Variants in ITGB5 observed in about 807,000 individuals in gnomAD.
ITGB5 encodes the protein integrin beta-5.
Under a neutral mutation model 84.8 loss-of-function variants are expected in ITGB5, and 38 were observed. The observed-to-expected ratio is 0.45, with a 90% CI of 0.35 to 0.59. The LOEUF (loss-of-function observed/expected upper bound fraction) is 0.59, where lower values mean the gene tolerates loss of function less well. Among genes scored for constraint, ITGB5 ranks in the 20% least tolerant of loss-of-function variants. The pLI, the probability that ITGB5 is intolerant of heterozygous loss-of-function variation, is 0.01. For missense variants in ITGB5, 905 were observed against 1,034.5 expected, an observed-to-expected ratio of 0.87 and a Z score of 1.72; for synonymous variants, 393 against 414.4, an observed-to-expected ratio of 0.95 and a Z score of 0.63.
intron 1 of ITGB5, among the ~76,000 whole-genome samples, chr3:124,893,927 C>T (rs1446561311): frequency 6.6e-6 from 1 of 151,988 alleles, no homozygotes; most frequent in African/African-American, 2.4e-5. Flanking sequence ...ATTTCTCTGA[C>T]GCTGTTAAGA....
chr3:124,773,684 C>G lies in ITGB5; in HGVS notation c.1916+6G>C, dbSNP rs773985327. The G allele has an allele frequency of 8.1e-6, 13 of 1,611,558 alleles. 1 individual carries two copies. The Admixed American group carries it at 1.8e-4, about 23-fold the overall frequency. ...AGTAAGGTGGGGCTGTCAGTGGAAC[C>G]AGTACCTCTTGGTGCTGCATGCATC... On this transcript the variant is annotated splice_donor_region_variant and intron_variant, in intron 11 of 14. Transcript: ENST00000296181.
intron 5 of ITGB5, among the ~76,000 whole-genome samples, chr3:124,825,240 T>C (rs2064769361): frequency 6.6e-6 from 1 of 151,168 alleles, no homozygotes; most frequent in South Asian, 2.1e-4. Context: ...ACTCTCATAA[T>C]TGCCTAAGAG....
chr3:124,859,194 G>C, intron 3 of ITGB5, 48 bp downstream of exon 3: 1 of 1,565,424 alleles, frequency 6.4e-7, no homozygotes, highest in East Asian at 2.2e-5. Flanking sequence ...CCTCCCCCAT[G>C]GGCCTTCCTG....
intron 4 of ITGB5, among the ~76,000 whole-genome samples, chr3:124,846,956 C>T (rs1001216327): frequency 6.6e-6 from 1 of 152,092 alleles, no homozygotes; most frequent in African/African-American, 2.4e-5. Flanking sequence ...CAAATGCAGA[C>T]TCTAAAAGTA....
intron 1 of ITGB5, among the ~76,000 whole-genome samples, chr3:124,893,234 C>A (rs1935037368): frequency 6.6e-6 from 1 of 152,030 alleles, no homozygotes. Flanking sequence ...ATGGTGAAAA[C>A]CCATCTCTAC....
At chr3:124,817,549 G>A (rs1234958782) in intron 8 of ITGB5, 72 bp downstream of exon 8, 7 of 781,148 alleles carry the variant, frequency 9.0e-6, no homozygotes, top group Admixed American at 2.6e-5. Flanking sequence ...ACCTGAGCCC[G>A]CGGCAGCTGC....
intron 2 of ITGB5, among the ~76,000 whole-genome samples, chr3:124,870,022 C>T (rs1579321427): frequency 1.3e-5 from 2 of 152,312 alleles, no homozygotes; most frequent in South Asian, 4.1e-4. Context: ...ATTTTACACT[C>T]CCAGTCATGC....
At chr3:124,861,466 A>C (rs943388899) in intron 2 of ITGB5, among the ~76,000 whole-genome samples, 3 of 147,216 alleles carry the variant, frequency 2.0e-5, no homozygotes, top group Non-Finnish European at 4.5e-5. Flanking sequence ...ACTTTGTTAA[A>C]AAAACAAAAC....
chr3:124,846,151 G>A (rs975706532), intron 4 of ITGB5, among the ~76,000 whole-genome samples: 6 of 152,170 alleles, frequency 3.9e-5, no homozygotes, highest in African/African-American at 1.4e-4. Context: ...TATACAGAAG[G>A]ATCTGGAGGG....
At chr3:124,771,760 A>AAAAAAAAAAAAAG in intron 11 of ITGB5, among the ~76,000 whole-genome samples, 1 of 151,842 alleles carries the variant, frequency 6.6e-6, no homozygotes, top group African/African-American at 2.4e-5. Context: ...AAAAAAAAAA[A>AAAAAAAAAAAAAG]AAAAAAAGGA....
intron 12 of ITGB5, among the ~76,000 whole-genome samples, chr3:124,767,145 A>G (rs1409693421): frequency 6.6e-6 from 1 of 152,212 alleles, no homozygotes; most frequent in Non-Finnish European, 1.5e-5. Flanking sequence ...GTGCAAAGTG[A>G]GGCAAGGGGT....
chr3:124,882,646 C>A lies in ITGB5; in HGVS notation c.70+4285G>T, dbSNP rs542627070. Among the ~76,000 whole-genome samples the A allele has an allele frequency of 1.6e-4, 24 of 152,240 alleles. No individual in the cohort carries two copies. In the East Asian group the frequency reaches 2.1e-3, roughly 13 times the overall value. On this transcript the variant is annotated intron_variant, in intron 1 of 14. Transcript: ENST00000296181. Reference sequence around the variant, plus strand: ...CCTGGCAGGACTCTGGGAAACCATTCGAAGGTTTTAAGCAGAGAGATATGA... The same window carrying A: ...CCTGGCAGGACTCTGGGAAACCATTAGAAGGTTTTAAGCAGAGAGATATGA...
At chr3:124,838,056 C>A (rs1054436490) in intron 5 of ITGB5, among the ~76,000 whole-genome samples, 8 of 152,130 alleles carry the variant, frequency 5.3e-5, no homozygotes, top group Middle Eastern at 3.2e-3. Context: ...TTAGGACTTA[C>A]AAATGATAGC....
intron 4 of ITGB5, among the ~76,000 whole-genome samples, chr3:124,843,475 C>T (rs3772846): frequency 0.04 from 6,162 of 152,280 alleles, 303 homozygotes; most frequent in East Asian, 0.11. Flanking sequence ...GTTTTACCTC[C>T]TCCCTTTCAC....
rs981503985 is a variant in ITGB5 at position 124,762,596 on chromosome 3, CTGCTAT to C, written c.*1021_*1026del. ...AGTGAGGGGAGGCCTTGGAAGGGAACTGCTATTGCTAATGATGATTAAGAGATGACT... is the reference window on the plus strand; with the variant it reads ...AGTGAGGGGAGGCCTTGGAAGGGAACTGCTAATGATGATTAAGAGATGACT... On this transcript the variant is annotated 3_prime_UTR_variant, in exon 15 of 15. Coordinates refer to ENST00000296181, the MANE Select transcript of ITGB5 (RefSeq NM_002213.5). 3.4e-4 allele frequency: 52 copies of C among 152,344 alleles called. No individual in the cohort carries two copies. Among genetic ancestry groups the C allele is most frequent in the African/African-American group, 1.2e-3 (49 of 41,568 alleles). The allele number at this position is 152,344 out of a possible 1,614,324, so 9.4% of individuals were successfully genotyped here.
At chr3:124,822,565 A>G (rs1440456954) in intron 5 of ITGB5, among the ~76,000 whole-genome samples, 1 of 152,234 alleles carries the variant, frequency 6.6e-6, no homozygotes, top group Non-Finnish European at 1.5e-5. Context: ...GGCGGCATGG[A>G]AATAAAAAAT....
chr3:124,768,088 C>T (rs751484248), intron 12 of ITGB5, among the ~76,000 whole-genome samples: 10 of 152,026 alleles, frequency 6.6e-5, no homozygotes, highest in Non-Finnish European at 1.3e-4. Context: ...CCTCAGAAGC[C>T]GTGACTGTAG....
chr3:124,797,012 T>G (rs973785377), intron 9 of ITGB5, among the ~76,000 whole-genome samples, 195 bp from the exon 10 acceptor site: 1 of 152,190 alleles, frequency 6.6e-6, no homozygotes, highest in Admixed American at 6.5e-5. Flanking sequence ...GAGAAGAGAA[T>G]GCACAGGTGA....
intron 4 of ITGB5, among the ~76,000 whole-genome samples, chr3:124,842,331 A>G (rs1654318791): frequency 6.6e-6 from 1 of 152,082 alleles, no homozygotes; most frequent in South Asian, 2.1e-4. Context: ...TCCTGTGGAG[A>G]CTCCAAGTGG....
Sources: gnomAD v4.1 joint callset for allele counts (sites outside exome capture counted in the v4.1 genomes callset) on GRCh38, gnomAD v4.1.1 for gene constraint, MANE v1.5 for transcripts, NCBI Gene and HGNC (gene_info 2026-07-23, HGNC 2026-07-21) for gene names.